PLXNA1: variants seen among roughly 807,000 people sequenced by gnomAD.
The protein encoded by PLXNA1 is plexin A1, also known as plexin-A1.
In PLXNA1, 77 loss-of-function variants were observed where a neutral mutation model predicts 191.7. That is an observed-to-expected ratio of 0.40 (90% CI 0.33 to 0.49). The LOEUF (loss-of-function observed/expected upper bound fraction) is 0.49, where lower values mean the gene tolerates loss of function less well. PLXNA1 is among the 20% of genes least tolerant of loss of function. PLXNA1 has a pLI of 0.63. For synonymous variants in PLXNA1, 1,137 were observed against 1,156.4 expected (o/e 0.98, Z 0.34); for missense variants, 2,110 against 2,660.2 (o/e 0.79, Z 4.55).
intron 29 of PLXNA1, 60 bp downstream of exon 29, chr3:127,030,472 G>C: frequency 6.3e-7 from 1 of 1,590,002 alleles, no homozygotes; most frequent in East Asian, 2.2e-5. Context: ...GTGTTCCCAG[G>C]GCCCTCGCCC....
chr3:127,027,897 G>GC, intron 23 of PLXNA1, 43 bp from the exon 24 acceptor site: 3 of 1,610,384 alleles, frequency 1.9e-6, no homozygotes, highest in Non-Finnish European at 8.5e-7. Context: ...TTGGGGGTAG[G>GC]CCCGGGGGTC....
rs1181128155 is a variant in PLXNA1 at position 127,035,697 on chromosome 3, A to G, written c.*1680A>G. On this transcript the variant is annotated 3_prime_UTR_variant, in exon 32 of 32. Coordinates refer to ENST00000393409, the MANE Select transcript of PLXNA1 (RefSeq NM_032242.4). ...TGATGGTACCGAAGATCCCATGGAC[A>G]TTAAGGGACAGCTAACTGTGGCCAG... 2 of 152,530 alleles carry G rather than the reference A, an allele frequency of 1.3e-5. No individual in the cohort carries two copies. The highest frequency in any genetic ancestry group is 4.8e-5 in the African/African-American group (2 of 41,440). The allele number at this position is 152,530 out of a possible 1,614,324, so 9.4% of individuals were successfully genotyped here.
intron 1 of PLXNA1, among the ~76,000 whole-genome samples, 168 bp downstream of exon 1, chr3:126,983,455 G>C (rs1301940610): frequency 6.9e-6 from 1 of 145,950 alleles, no homozygotes; most frequent in Non-Finnish European, 1.5e-5. Context: ...GGCGCGCGTG[G>C]GGACTGCGGC....
At position 127,017,495 on chromosome 3, in the gene PLXNA1, C is replaced by A. The variant is rs1199885925; in HGVS notation, c.3347C>A (p.Pro1116Gln). The change falls in exon 18 of 32, where the codon CCA (proline) becomes CAA (glutamine). Residue 1116 changes from proline to glutamine, a missense_variant. Transcript: ENST00000393409. Reference sequence around the variant, plus strand: ...TCTGTGGCCAACCCTGTGCGCAGCCCACCAGAGCTGGGGGAGCGGCCGGAT... The same window carrying A: ...TCTGTGGCCAACCCTGTGCGCAGCCAACCAGAGCTGGGGGAGCGGCCGGAT... ...APSVANPVRS[P>Q]PELGERPDEL... is the part of the protein sequence containing the mutation. The A allele has an allele frequency of 2.5e-6, 4 of 1,613,618 alleles. No homozygotes were observed. The East Asian group carries it at 8.9e-5, about 36-fold the overall frequency.
Position 127,005,111 on chromosome 3 carries a change from G to C in PLXNA1, c.1765G>C (p.Val589Leu). Residue 589 changes from valine to leucine, a missense_variant, in exon 7 of 32, where the codon GTG becomes CTG. Val to Leu is a conservative substitution (Grantham distance 32). Coordinates refer to ENST00000393409, the MANE Select transcript of PLXNA1 (RefSeq NM_032242.4). ...CCAGCTTGTGCTGCAGGCCTGGAAC[G>C]TGCCTGACCTCTCAGCTGGCGTCAA... The part of the protein sequence containing the change: ...QVPLVLQAWN[V>L]PDLSAGVNCS... 1 of 1,612,758 alleles carries C rather than the reference G, an allele frequency of 6.2e-7. No individual in the cohort carries two copies. Among genetic ancestry groups the C allele is most frequent in the Non-Finnish European group, 8.5e-7 (1 of 1,179,930 alleles).
chr3:127,018,880 C>T (rs762064061), intron 20 of PLXNA1, among the ~76,000 whole-genome samples: 3 of 152,208 alleles, frequency 2.0e-5, no homozygotes, highest in Non-Finnish European at 4.4e-5. Context: ...GCCTACTTTC[C>T]CTGGGTGCTG....
intron 3 of PLXNA1, among the ~76,000 whole-genome samples, chr3:127,001,059 T>C (rs1416038030): frequency 6.6e-6 from 1 of 152,102 alleles, no homozygotes; most frequent in Non-Finnish European, 1.5e-5. Context: ...CAGAGCCAAC[T>C]GTCCAGTCGG....
intron 9 of PLXNA1, among the ~76,000 whole-genome samples, chr3:127,010,187 C>T (rs1301604044): frequency 6.6e-6 from 1 of 152,214 alleles, no homozygotes; most frequent in African/African-American, 2.4e-5. Context: ...TAATCGGAGC[C>T]TTTGGGGACA....
chr3:126,988,293 G>A (rs1210420691), intron 1 of PLXNA1, among the ~76,000 whole-genome samples: 1 of 152,194 alleles, frequency 6.6e-6, no homozygotes, highest in Non-Finnish European at 1.5e-5. Flanking sequence ...TGCCAACGGA[G>A]TGACCTCTTG....
intron 9 of PLXNA1, among the ~76,000 whole-genome samples, chr3:127,009,222 C>T (rs2079083957): frequency 1.3e-5 from 2 of 152,196 alleles, no homozygotes; most frequent in South Asian, 4.1e-4. Context: ...CCCTGGGCAG[C>T]TTGGGATGGT....
intron 25 of PLXNA1, 103 bp downstream of exon 25, chr3:127,028,443 A>C: frequency 7.5e-7 from 1 of 1,325,614 alleles, no homozygotes; most frequent in African/African-American, 1.5e-5. Flanking sequence ...CCAGTCCTCC[A>C]CACCAGGCTG....
At chr3:127,015,043 G>T (rs1177017638) in intron 14 of PLXNA1, 141 bp from the exon 15 acceptor site, 5 of 1,362,512 alleles carry the variant, frequency 3.7e-6, no homozygotes, top group Non-Finnish European at 4.0e-6. Flanking sequence ...GGAAGTACTG[G>T]CTCTGAAGTG....
intron 20 of PLXNA1, 88 bp downstream of exon 20, chr3:127,018,616 C>G: frequency 1.0e-6 from 1 of 991,672 alleles, no homozygotes; most frequent in Non-Finnish European, 1.5e-6. Context: ...ACCGCCGCCC[C>G]CACCCTGCTT....
At position 126,995,066 on chromosome 3, in the gene PLXNA1, G is replaced by T. The variant is rs201893735; in HGVS notation, c.1377+3500G>T. ...CAGTCTTTTCCGGGCTTTAAAAAGT[G>T]TCTGGGGAGCTCCAGGGACTTGGCT... On this transcript the variant is annotated intron_variant, in intron 3 of 31. Transcript: ENST00000393409. Among the ~76,000 whole-genome samples the T allele has an allele frequency of 5.3e-5, 8 of 152,232 alleles. No homozygotes were observed. The East Asian group carries it at 1.2e-3, about 22-fold the overall frequency.
intron 27 of PLXNA1, among the ~76,000 whole-genome samples, 163 bp downstream of exon 27, chr3:127,029,699 C>T (rs765895644): frequency 1.3e-5 from 2 of 152,222 alleles, no homozygotes; most frequent in Non-Finnish European, 2.9e-5. Context: ...CTGGAGGCTG[C>T]GCCTCCTCGC....
At chr3:127,017,711 C>T (rs1239524399) in intron 18 of PLXNA1, 38 bp from the exon 19 acceptor site, 1 of 1,613,130 alleles carries the variant, frequency 6.2e-7, no homozygotes, top group South Asian at 1.1e-5. Context: ...GGAAGAGGCC[C>T]CTCGTCCTGG....
rs2079075962 is a variant in PLXNA1 at position 127,007,804 on chromosome 3, T to C, written c.2003T>C (p.Leu668Pro). ...FYNCSVHQSC[L>P]SCVNGSFPCH... ...CACCCACCCTCTCCCTGCAGCTGCCTGTCCTGTGTCAACGGCTCCTTTCCC... is the reference window on the plus strand; with the variant it reads ...CACCCACCCTCTCCCTGCAGCTGCCCGTCCTGTGTCAACGGCTCCTTTCCC... Residue 668 changes from leucine to proline, a missense_variant, in exon 9 of 32, where the codon CTG becomes CCG. Leu to Pro is a moderately conservative substitution (Grantham distance 98). Around this residue, in one of 4 missense-constraint regions of PLXNA1, gnomAD observed 903 missense variants for 1,015.7 expected, o/e 0.89. Transcript: ENST00000393409. 6.2e-7 allele frequency: 1 copy of C among 1,610,462 alleles called. No homozygotes were observed. Among genetic ancestry groups the C allele is most frequent in the Non-Finnish European group, 8.5e-7 (1 of 1,177,730 alleles).
intron 19 of PLXNA1, 126 bp from the exon 20 acceptor site, chr3:127,018,168 C>A: frequency 1.0e-6 from 1 of 961,880 alleles, no homozygotes; most frequent in Non-Finnish European, 1.5e-6. Context: ...GGTGACCACT[C>A]TGTGCCCCTG....
At chr3:126,990,295 C>T (rs1161213389) in intron 2 of PLXNA1, among the ~76,000 whole-genome samples, 3 of 152,240 alleles carry the variant, frequency 2.0e-5, no homozygotes, top group Non-Finnish European at 2.9e-5. Flanking sequence ...GGCACCTGCC[C>T]GCTGGGCCTC....
Sources: gnomAD v4.1 joint callset for allele counts (sites outside exome capture counted in the v4.1 genomes callset) on GRCh38, gnomAD v4.1.1 for gene constraint, gnomAD v4.1.1 regional missense constraint, MANE v1.5 for transcripts, NCBI Gene and HGNC (gene_info 2026-07-23, HGNC 2026-07-21) for gene names.